Variants in ZNF467 observed in about 807,000 individuals in gnomAD.
ZNF467 encodes the protein zinc finger protein 467.
Under a neutral mutation model 47.8 loss-of-function variants are expected in ZNF467, and 51 were observed. That is an observed-to-expected ratio of 1.07 (90% CI 0.85 to 1.35). The LOEUF (loss-of-function observed/expected upper bound fraction) is 1.35, where lower values mean the gene tolerates loss of function less well. ZNF467 is among the 40% of genes most tolerant of loss of function. The probability of loss-of-function intolerance (pLI) is 0.00; values close to 1 mark genes in which losing one functional copy is unlikely to be tolerated. For synonymous variants in ZNF467, 416 were observed against 372.9 expected (o/e 1.12, Z -1.33); for missense variants, 992 against 858.1 (o/e 1.16, Z -1.95).
chr7:149,776,089 C>T (rs368875983), upstream of ZNF467: 112 of 1,364,394 alleles, frequency 8.2e-5, no homozygotes, highest in African/African-American at 3.2e-4. Context: ...CCCTGGCTGA[C>T]GGGTAAGCAG....
intron 2 of ZNF467, 63 bp downstream of exon 2, chr7:149,770,936 G>A: frequency 1.9e-6 from 3 of 1,610,002 alleles, no homozygotes; most frequent in South Asian, 2.2e-5. Context: ...TGCTGTCTGA[G>A]TTGTAGATGC....
chr7:149,776,087 G>A (rs750940839), upstream of ZNF467: 1 of 1,364,840 alleles, frequency 7.3e-7, no homozygotes, highest in South Asian at 1.1e-5. Context: ...GGCCCTGGCT[G>A]ACGGGTAAGC....
Position 149,765,146 on chromosome 7 carries a change from C to T in ZNF467, c.1356G>A (p.Val452=). ...AGGCGAAGGGCCGTTCGCCCGTGTG[C>T]ACGCGCGGGTGCCGCGCCAGGTGCT... The part of the protein sequence containing the change: ...HGQHLARHPR[V]HTGERPFACT... The change falls in exon 5 of 5, where the codon GTG becomes GTA. Residue 452 remains valine (V), a synonymous_variant. Coordinates refer to ENST00000302017, the MANE Select transcript of ZNF467 (RefSeq NM_207336.3). The T allele has an allele frequency of 6.7e-7, 1 of 1,490,048 alleles. No individual in the cohort carries two copies. Among genetic ancestry groups the T allele is most frequent in the Non-Finnish European group, 8.9e-7 (1 of 1,124,428 alleles). The allele number at this position is 1,490,048 out of a possible 1,614,324, so 92.3% of individuals were successfully genotyped here.
In ZNF467 at chr7:149,765,052, C is replaced by A. The variant is rs1209715565; in HGVS notation, c.1450G>T (p.Ala484Ser). 2.0e-6 allele frequency: 3 copies of A among 1,508,570 alleles called. No individual in the cohort carries two copies. Among genetic ancestry groups the A allele is most frequent in the South Asian group, 1.2e-5 (1 of 81,478 alleles). 93.4% of individuals were successfully genotyped at this position (1,508,570 alleles called of 1,614,324 possible). A position where few individuals can be genotyped will look rare whatever the true frequency, so the allele number is the denominator to read the frequency against. ...CACTGAGCGCAGGCGAAAGGCCTGG[C>A]GCCGCTGTGGGCCCTGGAGTGGGCG... ...LVAHSRAHSG[A>S]RPFACAQCGR... The change falls in exon 5 of 5, where the codon GCC becomes TCC. Residue 484 changes from alanine to serine, a missense_variant. Coordinates refer to ENST00000302017, the MANE Select transcript of ZNF467 (RefSeq NM_207336.3).
In ZNF467 at chr7:149,769,111, G is replaced by C. The variant is rs200671338; in HGVS notation, c.241C>G (p.Gln81Glu). The change falls in exon 4 of 5, where the codon CAG becomes GAG. Residue 81 changes from glutamine (Q) to glutamate (E), a missense_variant. By Grantham distance (29) the Gln-to-Glu change is conservative (BLOSUM62 2). Coordinates refer to ENST00000302017, the MANE Select transcript of ZNF467 (RefSeq NM_207336.3). This position sits in a 1 kb window ranked among gnomAD's most constrained non-coding sequence, Gnocchi z 5.3. ...TCACCTGGGCAGGTACCCACAGGCTGAGCCTTCTGTGCTGAGCACGCCTGG... is the reference window on the plus strand; with the variant it reads ...TCACCTGGGCAGGTACCCACAGGCTCAGCCTTCTGTGCTGAGCACGCCTGG... Reference protein sequence around the residue: ...RGQACSAQKAQPVGTCPGEEW... With the variant: ...RGQACSAQKAEPVGTCPGEEW... The C allele has an allele frequency of 1.3e-6, 2 of 1,554,920 alleles. No homozygotes were observed. The highest frequency in any genetic ancestry group is 2.4e-5 in the East Asian group (1 of 41,318).
At chr7:149,772,788 C>T (rs1465021537) in intron 1 of ZNF467, among the ~76,000 whole-genome samples, 2 of 140,140 alleles carry the variant, frequency 1.4e-5, no homozygotes, top group African/African-American at 2.7e-5. Flanking sequence ...TCGGCCCCCT[C>T]CCACACTCCC....
Position 149,764,554 on chromosome 7 carries a change from G to T in ZNF467, c.*160C>A. 1 of 1,320,820 alleles carries T rather than the reference G, an allele frequency of 7.6e-7. No individual in the cohort carries two copies. Among genetic ancestry groups the T allele is most frequent in the Non-Finnish European group, 1.1e-6 (1 of 945,408 alleles). The allele number at this position is 1,320,820 out of a possible 1,614,324, so 81.8% of individuals were successfully genotyped here. On this transcript the variant is annotated 3_prime_UTR_variant, in exon 5 of 5. Coordinates refer to ENST00000302017, the MANE Select transcript of ZNF467 (RefSeq NM_207336.3). ...TCTCTGTCCTAGGAGGTCCGAGCTG[G>T]GTATGCTGTGCGGACGCAGACACTG... is the stretch of plus-strand genomic sequence containing the variant.
At chr7:149,775,338 C>G (rs751368583), upstream of ZNF467, among the ~76,000 whole-genome samples, 3 of 152,284 alleles carry the variant, frequency 2.0e-5, no homozygotes, top group South Asian at 6.2e-4. Flanking sequence ...ACTCAGGAAC[C>G]CCAGCTACCC....
upstream of ZNF467, chr7:149,775,914 C>T (rs1309705698): frequency 7.6e-6 from 5 of 657,000 alleles, no homozygotes; most frequent in Non-Finnish European, 2.5e-6. Context: ...CAGAACTGGC[C>T]ACTGGGCTGC....
chr7:149,771,243 G>A lies in ZNF467; in HGVS notation c.-42-169C>T, dbSNP rs143956416. 2.2e-3 allele frequency among the ~76,000 whole-genome samples: 328 copies of A among 152,270 alleles called. 3 individuals are homozygous for A. Among genetic ancestry groups the A allele is most frequent in the African/African-American group, 7.7e-3 (319 of 41,540 alleles). ...CTGGGTTTAGAAAGCCAAGCCAAGA[G>A]ATCTTTGAAGGTGGCCCAAGAAGGC... On this transcript the variant is annotated intron_variant, in intron 1 of 4. Coordinates refer to ENST00000302017, the MANE Select transcript of ZNF467 (RefSeq NM_207336.3).
chr7:149,774,228 C>G (rs969818646), upstream of ZNF467, among the ~76,000 whole-genome samples: 39 of 152,142 alleles, frequency 2.6e-4, no homozygotes, highest in African/African-American at 8.9e-4. The surrounding 1 kb of genome is among the most constrained non-coding windows in gnomAD (Gnocchi z 5.7). Flanking sequence ...CCCAGCTCCT[C>G]AGGGGACTCC....
chr7:149,776,264 C>T (rs913606040), upstream of ZNF467: 3 of 1,239,704 alleles, frequency 2.4e-6, no homozygotes, highest in South Asian at 2.6e-5. Context: ...TCAATAACCA[C>T]CCCTGGGAGT....
chr7:149,767,759 C>T (rs1036570372), intron 4 of ZNF467, among the ~76,000 whole-genome samples: 3 of 152,108 alleles, frequency 2.0e-5, no homozygotes, highest in South Asian at 4.1e-4. Flanking sequence ...GCTGTGTTGC[C>T]CAGGCTGGTC....
chr7:149,775,189 C>G (rs1471635503), upstream of ZNF467, among the ~76,000 whole-genome samples: 1 of 152,202 alleles, frequency 6.6e-6, no homozygotes, highest in Non-Finnish European at 1.5e-5. Flanking sequence ...AGCATAGGCT[C>G]CCCAGTTCTA....
intron 4 of ZNF467, among the ~76,000 whole-genome samples, chr7:149,767,559 T>C (rs775215752): frequency 1.3e-5 from 2 of 152,210 alleles, no homozygotes; most frequent in African/African-American, 2.4e-5. Context: ...CCTATTTATT[T>C]ATTTTTAATT....
At position 149,769,087 on chromosome 7, in the gene ZNF467, C is replaced by T. The variant is rs1585952603; in HGVS notation, c.262+3G>A. 6.5e-7 allele frequency: 1 copy of T among 1,544,880 alleles called. No homozygotes were observed. Among genetic ancestry groups the T allele is most frequent in the Non-Finnish European group, 8.7e-7 (1 of 1,144,274 alleles). On this transcript the variant is annotated splice_donor_region_variant and intron_variant, in intron 4 of 4. Transcript: ENST00000302017. This position sits in a 1 kb window ranked among gnomAD's most constrained non-coding sequence, Gnocchi z 5.3. ...GGTGGGATGAAGTGATGGGAAGACT[C>T]ACCTGGGCAGGTACCCACAGGCTGA... is the stretch of plus-strand genomic sequence containing the variant.
At chr7:149,776,079 C>T (rs774789805), upstream of ZNF467, 1 of 1,364,952 alleles carries the variant, frequency 7.3e-7, no homozygotes, top group Non-Finnish European at 9.8e-7. Context: ...ATGGCGTGGG[C>T]CCTGGCTGAC....
At position 149,765,474 on chromosome 7, in the gene ZNF467, G is replaced by C. The variant is rs1300033180; in HGVS notation, c.1028C>G (p.Pro343Arg). 3.2e-6 allele frequency: 5 copies of C among 1,586,002 alleles called. No individual in the cohort carries two copies. The highest frequency in any genetic ancestry group is 2.3e-5 in the East Asian group (1 of 43,926). ...DSSASPHSTA[P>R]SPTPSFPGPK... ...CCCGGGAAAGGATGGGGTCGGGGAC[G>C]GGGCAGTGGAATGAGGAGAAGCGGA... is the stretch of plus-strand genomic sequence containing the variant. Residue 343 changes from proline (P) to arginine (R), a missense_variant, in exon 5 of 5, where the codon CCG becomes CGG. Pro to Arg is a moderately radical substitution (Grantham distance 103). Transcript: ENST00000302017.
upstream of ZNF467, among the ~76,000 whole-genome samples, chr7:149,774,935 C>T (rs533089954): frequency 3.3e-5 from 5 of 152,206 alleles, no homozygotes; most frequent in South Asian, 1.0e-3. The surrounding 1 kb of genome is among the most constrained non-coding windows in gnomAD (Gnocchi z 5.7). Context: ...ACAGGATACT[C>T]GGAGGGATAT....
Sources: gnomAD v4.1 joint callset for allele counts (sites outside exome capture counted in the v4.1 genomes callset) on GRCh38, gnomAD v4.1.1 for gene constraint, Gnocchi (gnomAD v3.1) non-coding constraint, MANE v1.5 for transcripts, NCBI Gene and HGNC (gene_info 2026-07-23, HGNC 2026-07-21) for gene names.